The following CDKL5 variants were observed in gnomAD, a reference collection of about 807,000 sequenced individuals.
CDKL5 encodes the protein cyclin-dependent kinase-like 5.
A neutral mutation model predicts 61.7 loss-of-function variants in CDKL5; 8 were observed. The observed-to-expected ratio is 0.13, with a 90% CI of 0.08 to 0.23. The LOEUF is 0.23. Ranked by LOEUF, CDKL5 falls within the 10% of genes least tolerant of loss-of-function variation. CDKL5 has a pLI of 1.00. For synonymous variants in CDKL5, 275 were observed against 272.3 expected (o/e 1.01, Z -0.10); for missense variants, 440 against 734.5 (o/e 0.60, Z 4.63).
At position 18,499,543 on chromosome X, in the gene CDKL5, T is replaced by G. The variant is rs187447088; in HGVS notation, c.-162-7392T>G. ...GCCCGGCTAATTTTTTTGTATTTTT[T>G]CAGTAGAGACAGGGTTTCACCATGT... is the stretch of plus-strand genomic sequence containing the variant. On this transcript the variant is annotated intron_variant, in intron 1 of 17. Coordinates refer to ENST00000623535, the MANE Select transcript of CDKL5 (RefSeq NM_001323289.2). Among the ~76,000 whole-genome samples, 481 of 110,381 alleles carry G rather than the reference T, an allele frequency of 4.4e-3. 2 individuals carry two copies. Among genetic ancestry groups the G allele is most frequent in the Middle Eastern group, 0.043 (9 of 211 alleles).
At chrX:18,470,926 G>GGGGACAAGAGGAGAGCA (rs953480957) in intron 1 of CDKL5, among the ~76,000 whole-genome samples, 6 of 111,901 alleles carry the variant, frequency 5.4e-5, no homozygotes, top group Non-Finnish European at 7.5e-5. Context: ...TGGACACAGA[G>GGGGACAAGAGGAGAGCA]GGGACAAGAG....
intron 1 of CDKL5, among the ~76,000 whole-genome samples, chrX:18,498,983 C>T (rs1410416479): frequency 1.8e-5 from 2 of 111,165 alleles, no homozygotes. Flanking sequence ...GTTAACCAGG[C>T]TGGTCTCGAA....
intron 1 of CDKL5, among the ~76,000 whole-genome samples, chrX:18,437,513 A>C (rs948547826): frequency 2.7e-5 from 3 of 112,183 alleles, no homozygotes; most frequent in Non-Finnish European, 5.6e-5. Context: ...TGTTCTTCCA[A>C]ATACAGTGTC....
intron 1 of CDKL5, among the ~76,000 whole-genome samples, chrX:18,458,034 C>G (rs1220023968): frequency 9.6e-6 from 1 of 104,612 alleles, no homozygotes; most frequent in African/African-American, 3.5e-5. Context: ...GATTCTCCTG[C>G]CTCAGCCTCC....
chrX:18,439,333 G>C (rs375718048), intron 1 of CDKL5, among the ~76,000 whole-genome samples: 90 of 109,862 alleles, frequency 8.2e-4, no homozygotes, highest in African/African-American at 2.9e-3. Context: ...TGACATATCT[G>C]AGCTTTTTTT....
chrX:18,525,372 T>C lies in CDKL5; in HGVS notation c.99+14518T>C, dbSNP rs574625234. Among the ~76,000 whole-genome samples the C allele has an allele frequency of 3.5e-3, 388 of 112,070 alleles. 2 individuals are homozygous for C. The Middle Eastern group carries it at 0.046, about 13-fold the overall frequency. ...CTTCAGCCTCCCAAAGTGCTGGGAC[T>C]ACAGGCGTGAGCCACCGCGCCCAGC... is the stretch of plus-strand genomic sequence containing the variant. On this transcript the variant is annotated intron_variant, in intron 3 of 17. Transcript: ENST00000623535.
At position 18,499,068 on chromosome X, in the gene CDKL5, G is replaced by A. The variant is rs1244144732; in HGVS notation, c.-162-7867G>A. ...TTACAGGCCCGAGCCACTGTGCCCGGCCCTTGTAATTTATTTTGAATTGCT... is the reference window on the plus strand; with the variant it reads ...TTACAGGCCCGAGCCACTGTGCCCGACCCTTGTAATTTATTTTGAATTGCT... On this transcript the variant is annotated intron_variant, in intron 1 of 17. Transcript: ENST00000623535. Among the ~76,000 whole-genome samples, 7 of 112,065 alleles carry A rather than the reference G, an allele frequency of 6.2e-5. No individual in the cohort carries two copies. The East Asian group carries it at 1.7e-3, about 27-fold the overall frequency.
chrX:18,453,574 C>T lies in CDKL5; in HGVS notation c.-163+27879C>T, dbSNP rs1932071224. On this transcript the variant is annotated intron_variant, in intron 1 of 17. Transcript: ENST00000623535. The stretch of plus-strand genomic sequence containing the variant: ...TTTCTTTATATATAATAAAATGTAG[C>T]AGTGGGTAAGATTAGTGGATGTATC... Among the ~76,000 whole-genome samples the T allele has an allele frequency of 4.5e-5, 5 of 111,540 alleles. No individual in the cohort carries two copies. In the South Asian group the frequency reaches 1.9e-3, roughly 42 times the overall value.
chrX:18,625,337 T>C lies in CDKL5; in HGVS notation c.2496+90T>C, dbSNP rs768571293. The C allele has an allele frequency of 6.9e-6, 7 of 1,007,820 alleles. No homozygotes were observed. The East Asian group carries it at 1.8e-4, about 26-fold the overall frequency. The allele number at this position is 1,007,820 out of a possible 1,213,427, so 83.1% of individuals were successfully genotyped here. Reference sequence around the variant, plus strand: ...AGGGCATGCTAGAGAAAACTTAGCCTCTCAATGTTACAGTAAGGCTGAGCA... The same window carrying C: ...AGGGCATGCTAGAGAAAACTTAGCCCCTCAATGTTACAGTAAGGCTGAGCA... On this transcript the variant is annotated intron_variant, in intron 17 of 17. Coordinates refer to ENST00000623535, the MANE Select transcript of CDKL5 (RefSeq NM_001323289.2).
intron 3 of CDKL5, among the ~76,000 whole-genome samples, chrX:18,531,147 G>A (rs773227864): frequency 3.4e-4 from 38 of 112,174 alleles, no homozygotes; most frequent in Non-Finnish European, 6.6e-4. Context: ...GAAACAAGAA[G>A]GCTAGAGGGA....
At chrX:18,489,191 T>C (rs1160766166) in intron 1 of CDKL5, among the ~76,000 whole-genome samples, 1 of 110,796 alleles carries the variant, frequency 9.0e-6, no homozygotes, top group African/African-American at 3.3e-5. Context: ...TGATCTTGGC[T>C]CACTGCAACC....
rs752282831 is a variant in CDKL5, at chrX:18,617,787, C to T, written c.2277-2080C>T. 7.2e-5 allele frequency among the ~76,000 whole-genome samples: 8 copies of T among 111,463 alleles called. No homozygotes were observed. The East Asian group carries it at 1.1e-3, about 16-fold the overall frequency. On this transcript the variant is annotated intron_variant, in intron 15 of 17. Transcript: ENST00000623535. ...TAATTTATTTCTTTTTTTCATTTGG[C>T]CTCTGGGATCTTTCTCTGCCTGGAT...
chrX:18,505,260 T>G (rs1468193755), intron 1 of CDKL5, among the ~76,000 whole-genome samples: 1 of 111,890 alleles, frequency 8.9e-6, no homozygotes, highest in Admixed American at 9.5e-5. Context: ...GTGGTTTAAG[T>G]TGTAAACATG....
At chrX:18,527,467 A>G (rs1602242049) in intron 3 of CDKL5, among the ~76,000 whole-genome samples, 1 of 111,986 alleles carries the variant, frequency 8.9e-6, no homozygotes, top group East Asian at 2.8e-4. Flanking sequence ...GGTAATTTGT[A>G]TGTTTCAAGG....
At position 18,507,682 on chromosome X, in the gene CDKL5, C is replaced by T. The variant is rs1423201151; in HGVS notation, c.64+522C>T. On this transcript the variant is annotated intron_variant, in intron 2 of 17. Transcript: ENST00000623535. The stretch of plus-strand genomic sequence containing the variant: ...TGCCTCCTGGGTTCAAGCGATTCTC[C>T]TGCCTCAGCCTCCTGAGATTACAGG... Among the ~76,000 whole-genome samples the T allele has an allele frequency of 1.1e-4, 12 of 110,959 alleles. No individual in the cohort carries two copies. In the Admixed American group the frequency reaches 1.2e-3, roughly 11 times the overall value.
chrX:18,510,769 G>A (rs1922797512), intron 2 of CDKL5, 51 bp from the exon 3 acceptor site: 2 of 1,029,132 alleles, frequency 1.9e-6, no homozygotes, highest in Non-Finnish European at 2.7e-6. Context: ...GTATAGCAGA[G>A]CTTTGTAGTT....
At chrX:18,513,500 C>A (rs1158969165) in intron 3 of CDKL5, among the ~76,000 whole-genome samples, 1 of 110,499 alleles carries the variant, frequency 9.0e-6, no homozygotes, top group Non-Finnish European at 1.9e-5. Flanking sequence ...AAAAAAAAAA[C>A]AAGTCTGTGA....
At chrX:18,517,310 C>G (rs774098974) in intron 3 of CDKL5, among the ~76,000 whole-genome samples, 4 of 111,449 alleles carry the variant, frequency 3.6e-5, no homozygotes, top group Non-Finnish European at 5.6e-5. Flanking sequence ...GTACCACTTT[C>G]AAATCCTTGG....
chrX:18,559,569 A>G (rs1380336632), intron 3 of CDKL5, among the ~76,000 whole-genome samples: 2 of 109,789 alleles, frequency 1.8e-5, no homozygotes, highest in African/African-American at 6.6e-5. Context: ...AAGAGAAAAC[A>G]TGGCTGTGAA....
Sources: gnomAD v4.1 joint callset for allele counts (sites outside exome capture counted in the v4.1 genomes callset) on GRCh38, gnomAD v4.1.1 for gene constraint, MANE v1.5 for transcripts, NCBI Gene and HGNC (gene_info 2026-07-23, HGNC 2026-07-21) for gene names.